Variants in TYW1 observed in about 807,000 individuals in gnomAD.
The protein encoded by TYW1 is tRNA-yW synthesizing protein 1 homolog, also known as S-adenosyl-L-methionine-dependent tRNA 4-demethylwyosine synthase TYW1.
In TYW1, 46 loss-of-function variants were observed where a neutral mutation model predicts 96.2. That is an observed-to-expected ratio of 0.48 (90% CI 0.38 to 0.61). The LOEUF (loss-of-function observed/expected upper bound fraction) is 0.61. TYW1 is among the 20% of genes least tolerant of loss of function. The pLI is 0.00. For synonymous variants in TYW1, 274 were observed against 323.0 expected (o/e 0.85, Z 1.63); for missense variants, 684 against 909.6 (o/e 0.75, Z 3.19).
intron 9 of TYW1, among the ~76,000 whole-genome samples, chr7:67,066,891 C>G (rs548000649): frequency 6.6e-6 from 1 of 152,172 alleles, no homozygotes; most frequent in African/African-American, 2.4e-5. Flanking sequence ...ATTCCCTTAC[C>G]CATCCTTCTT....
intron 13 of TYW1, among the ~76,000 whole-genome samples, chr7:67,165,363 A>G (rs1799287203): frequency 6.6e-6 from 1 of 152,096 alleles, no homozygotes; most frequent in Non-Finnish European, 1.5e-5. Flanking sequence ...GTAGCACTGA[A>G]AGCTGCCTAA....
intron 4 of TYW1, among the ~76,000 whole-genome samples, chr7:67,010,767 G>A (rs922573428): frequency 6.6e-6 from 1 of 152,024 alleles, no homozygotes; most frequent in Non-Finnish European, 1.5e-5. Context: ...GAGTCACCGC[G>A]CCTGGCCAAA....
At chr7:67,131,216 T>G (rs1026819887) in intron 13 of TYW1, among the ~76,000 whole-genome samples, 13 of 152,104 alleles carry the variant, frequency 8.5e-5, no homozygotes, top group Non-Finnish European at 1.8e-4. Context: ...TTCTCACCTG[T>G]GAAATGGGGT....
rs565726027 is a variant in TYW1 at position 67,177,176 on chromosome 7, A to G, written c.1699-5950A>G. On this transcript the variant is annotated intron_variant, in intron 13 of 15. Coordinates refer to ENST00000359626, the MANE Select transcript of TYW1 (RefSeq NM_018264.4). Reference sequence around the variant, plus strand: ...TTACAGTGGACTATCCATATGTTAAATAAGTTTAACTTCTCAACACCACAC... The same window carrying G: ...TTACAGTGGACTATCCATATGTTAAGTAAGTTTAACTTCTCAACACCACAC... Among the ~76,000 whole-genome samples, 12 of 152,232 alleles carry G rather than the reference A, an allele frequency of 7.9e-5. No homozygotes were observed. The South Asian group carries it at 2.5e-3, about 32-fold the overall frequency.
At chr7:67,056,129 A>G (rs1189113011) in intron 9 of TYW1, among the ~76,000 whole-genome samples, 1 of 152,216 alleles carries the variant, frequency 6.6e-6, no homozygotes, top group Non-Finnish European at 1.5e-5. Flanking sequence ...TTTCTAGTCA[A>G]TAACTCCCTT....
At chr7:67,031,978 T>C (rs989102962) in intron 7 of TYW1, among the ~76,000 whole-genome samples, 2 of 152,176 alleles carry the variant, frequency 1.3e-5, no homozygotes, top group Non-Finnish European at 2.9e-5. Flanking sequence ...AATCTCATCA[T>C]GGGGAAACAA....
intron 14 of TYW1, among the ~76,000 whole-genome samples, chr7:67,186,910 G>A (rs1254095486): frequency 6.6e-6 from 1 of 152,022 alleles, no homozygotes; most frequent in African/African-American, 2.4e-5. Flanking sequence ...TTAAAGCTCT[G>A]GAGATGAAAA....
intron 11 of TYW1, among the ~76,000 whole-genome samples, chr7:67,088,052 A>T (rs541871815): frequency 6.6e-6 from 1 of 152,070 alleles, no homozygotes; most frequent in African/African-American, 2.4e-5. Context: ...TTTAATAGAG[A>T]TGGGTTTTCC....
intron 15 of TYW1, among the ~76,000 whole-genome samples, chr7:67,237,196 G>A (rs1478595707): frequency 1.4e-5 from 2 of 146,396 alleles, no homozygotes; most frequent in African/African-American, 5.1e-5. Flanking sequence ...ATTAGTCGAA[G>A]TTTTTTAAAA....
At chr7:67,184,879 T>C (rs1799973886) in intron 14 of TYW1, among the ~76,000 whole-genome samples, 1 of 151,696 alleles carries the variant, frequency 6.6e-6, no homozygotes, top group Admixed American at 6.6e-5. Context: ...GGCTAATTTT[T>C]CTGTTTTTAG....
chr7:67,051,422 C>T (rs1030910266), intron 8 of TYW1, among the ~76,000 whole-genome samples: 1 of 152,116 alleles, frequency 6.6e-6, no homozygotes. Context: ...ATCCTCCTGC[C>T]TCATCCCCCT....
At chr7:67,114,424 G>A (rs977398128) in intron 12 of TYW1, 6 of 152,896 alleles carry the variant, frequency 3.9e-5, no homozygotes, top group Non-Finnish European at 8.8e-5. Context: ...GGATTTTTAT[G>A]TTCATCAGCA....
At chr7:67,159,670 T>C (rs1325960485) in intron 13 of TYW1, among the ~76,000 whole-genome samples, 7 of 152,170 alleles carry the variant, frequency 4.6e-5, no homozygotes, top group Non-Finnish European at 8.8e-5. Context: ...ATATAGTCTT[T>C]TATTTTGACT....
intron 11 of TYW1, among the ~76,000 whole-genome samples, chr7:67,096,736 C>T (rs1390471000): frequency 1.3e-5 from 2 of 152,054 alleles, no homozygotes; most frequent in Non-Finnish European, 1.5e-5. Flanking sequence ...CTTCTCCCAC[C>T]CTCCACCCTC....
intron 7 of TYW1, among the ~76,000 whole-genome samples, chr7:67,035,807 A>G (rs1356729522): frequency 6.6e-6 from 1 of 152,016 alleles, no homozygotes; most frequent in Non-Finnish European, 1.5e-5. Flanking sequence ...CCTCCCGAGT[A>G]GCTGGGACTA....
At chr7:67,007,832 A>G (rs1793656110) in intron 3 of TYW1, among the ~76,000 whole-genome samples, 1 of 151,996 alleles carries the variant, frequency 6.6e-6, no homozygotes, top group South Asian at 2.1e-4. Context: ...ATGGGGTTTC[A>G]CCATGTTGGT....
At chr7:67,228,621 G>A (rs973807837) in intron 15 of TYW1, among the ~76,000 whole-genome samples, 8 of 152,208 alleles carry the variant, frequency 5.3e-5, no homozygotes, top group African/African-American at 1.9e-4. Context: ...CACCTCCAAT[G>A]TTGATGCTAA....
chr7:67,191,546 T>C (rs1800218315), intron 14 of TYW1, among the ~76,000 whole-genome samples: 1 of 131,722 alleles, frequency 7.6e-6, no homozygotes, highest in East Asian at 2.0e-4. Flanking sequence ...ATAAATGGAG[T>C]TGGGGGTGAG....
At chr7:67,034,408 C>A (rs1217200910) in intron 7 of TYW1, among the ~76,000 whole-genome samples, 5 of 152,054 alleles carry the variant, frequency 3.3e-5, no homozygotes, top group Admixed American at 6.6e-5. Flanking sequence ...GCCCGGCCTC[C>A]TTTAATTTAA....
Sources: allele counts gnomAD v4.1 joint callset (sites outside exome capture counted in the v4.1 genomes callset), GRCh38; gene constraint gnomAD v4.1.1; transcripts MANE v1.5; gene names NCBI Gene and HGNC (gene_info 2026-07-23, HGNC 2026-07-21).